Variants in SNX29 observed in about 807,000 individuals in gnomAD.
The protein encoded by SNX29 is sorting nexin-29.
A neutral mutation model predicts 102.1 loss-of-function variants in SNX29; 78 were observed. That is an observed-to-expected ratio of 0.76 (90% CI 0.64 to 0.92). The LOEUF is 0.92. Among genes scored for constraint, SNX29 ranks in the 40% least tolerant of loss-of-function variants. The probability of loss-of-function intolerance (pLI) is 0.00; values close to 1 mark genes in which losing one functional copy is unlikely to be tolerated. For synonymous variants in SNX29, 580 were observed against 414.5 expected, an observed-to-expected ratio of 1.40 and a Z score of -4.85; for missense variants, 1,280 against 1,061.7, an observed-to-expected ratio of 1.21 and a Z score of -2.86.
In SNX29 at chr16:12,161,200, C is replaced by A. The variant is rs567589879; in HGVS notation, c.1595+31442C>A. Among the ~76,000 whole-genome samples the A allele has an allele frequency of 1.1e-4, 17 of 152,346 alleles. No individual in the cohort carries two copies. The East Asian group carries it at 2.3e-3, about 21-fold the overall frequency. ...ATGGCCCTTGAAGCCATGTTGACCA[C>A]CTTTCTGACCTTTGGATAGACAGGG... On this transcript the variant is annotated intron_variant, in intron 13 of 20. Transcript: ENST00000566228.
intron 11 of SNX29, among the ~76,000 whole-genome samples, chr16:12,122,052 G>C: frequency 6.6e-6 from 1 of 152,228 alleles, no homozygotes; most frequent in East Asian, 1.9e-4. Flanking sequence ...CTGACCTGAA[G>C]TGATCTGCCT....
intron 19 of SNX29, among the ~76,000 whole-genome samples, chr16:12,506,300 G>A (rs955523591): frequency 2.6e-5 from 4 of 152,104 alleles, no homozygotes; most frequent in African/African-American, 9.7e-5. Flanking sequence ...TATCCAGGGG[G>A]ACAACACCCT....
intron 13 of SNX29, chr16:12,135,570 A>G (rs1207843285): frequency 7.5e-7 from 1 of 1,333,524 alleles, no homozygotes; most frequent in East Asian, 3.9e-5. Context: ...CTATTTTGTG[A>G]GGAGATTCTA....
intron 13 of SNX29, among the ~76,000 whole-genome samples, chr16:12,187,090 A>G (rs73521830): frequency 0.022 from 3,408 of 152,340 alleles, 127 homozygotes; most frequent in African/African-American, 0.077. Flanking sequence ...GAGTTGGAAG[A>G]TCTGGCCACA....
intron 16 of SNX29, among the ~76,000 whole-genome samples, chr16:12,380,725 C>T (rs867090060): frequency 7.7e-6 from 1 of 130,046 alleles, no homozygotes; most frequent in Non-Finnish European, 1.6e-5. Context: ...TCCATCCACC[C>T]GCCATCCATC....
chr16:12,315,026 G>A (rs1393983738), intron 15 of SNX29, among the ~76,000 whole-genome samples: 2 of 152,202 alleles, frequency 1.3e-5, no homozygotes, highest in African/African-American at 2.4e-5. Flanking sequence ...AGGCAATTCT[G>A]TTCCCTAATT....
intron 13 of SNX29, among the ~76,000 whole-genome samples, chr16:12,169,000 G>A (rs901190957): frequency 9.2e-5 from 14 of 152,318 alleles, no homozygotes; most frequent in Middle Eastern, 3.4e-3. Flanking sequence ...AGGGTTTTCC[G>A]TCACAGCTGA....
rs1048319440 is a variant in SNX29, at chr16:12,572,498, C to G, written c.*3869C>G. ...GACCAGTTCTTGGGGTTCCAGGCCT[C>G]GGCCTTCCTGCTCCACGTGCTCAAG... is the stretch of plus-strand genomic sequence containing the variant. On this transcript the variant is annotated 3_prime_UTR_variant, in exon 21 of 21. Transcript: ENST00000566228. The G allele has an allele frequency of 1.9e-6, 2 of 1,063,804 alleles. No homozygotes were observed. The highest frequency in any genetic ancestry group is 1.6e-5 in the African/African-American group (1 of 60,950). The allele number at this position is 1,063,804 out of a possible 1,614,324, so 65.9% of individuals were successfully genotyped here.
At chr16:12,257,881 C>T (rs2078621970) in intron 14 of SNX29, among the ~76,000 whole-genome samples, 1 of 152,124 alleles carries the variant, frequency 6.6e-6, no homozygotes, top group Non-Finnish European at 1.5e-5. Context: ...TGGGAGTCAT[C>T]CTGTGTTTTT....
Position 12,207,381 on chromosome 16 carries a change from A to G in SNX29, c.1678+7698A>G, listed in dbSNP as rs189140499. ...GAAACTTTGTCAAAAAATAAAATAA[A>G]ATAAAAAACAAAAACCAGGGAGGCT... is the stretch of plus-strand genomic sequence containing the variant. On this transcript the variant is annotated intron_variant, in intron 14 of 20. Coordinates refer to ENST00000566228, the MANE Select transcript of SNX29 (RefSeq NM_032167.5). Among the ~76,000 whole-genome samples the G allele has an allele frequency of 2.6e-5, 4 of 152,256 alleles. No individual in the cohort carries two copies. The East Asian group carries it at 7.7e-4, about 29-fold the overall frequency.
intron 18 of SNX29, among the ~76,000 whole-genome samples, chr16:12,404,458 C>T (rs1287551346): frequency 6.6e-6 from 1 of 152,124 alleles, no homozygotes; most frequent in Non-Finnish European, 1.5e-5. Context: ...TTGGTGTGCC[C>T]TTGTTCTGGG....
chr16:12,345,977 A>G (rs569498515), intron 15 of SNX29, among the ~76,000 whole-genome samples: 1 of 152,286 alleles, frequency 6.6e-6, no homozygotes, highest in African/African-American at 2.4e-5. Flanking sequence ...TTCAGCAGCC[A>G]CCAACCCAAG....
intron 5 of SNX29, among the ~76,000 whole-genome samples, chr16:12,044,232 A>G (rs1411745391): frequency 6.6e-6 from 1 of 152,206 alleles, no homozygotes. Context: ...GTTTGTGAGT[A>G]GTGTGGCATG....
intron 15 of SNX29, among the ~76,000 whole-genome samples, chr16:12,346,188 G>A (rs1244733641): frequency 6.6e-6 from 1 of 152,048 alleles, no homozygotes; most frequent in African/African-American, 2.4e-5. Flanking sequence ...TAGGTGGGAG[G>A]GGGCTTCTGA....
intron 13 of SNX29, among the ~76,000 whole-genome samples, chr16:12,149,106 A>G (rs948052544): frequency 2.0e-5 from 3 of 152,132 alleles, no homozygotes; most frequent in African/African-American, 7.2e-5. Context: ...ATAAATGAGC[A>G]TTTGTCAGTT....
chr16:12,217,637 C>G (rs1196490470), intron 14 of SNX29, among the ~76,000 whole-genome samples: 2 of 152,180 alleles, frequency 1.3e-5, no homozygotes, highest in African/African-American at 4.8e-5. Flanking sequence ...AGATGGCCAG[C>G]TGCTTTTAGT....
intron 19 of SNX29, among the ~76,000 whole-genome samples, chr16:12,514,427 C>T (rs576444338): frequency 6.6e-6 from 1 of 152,290 alleles, no homozygotes; most frequent in Admixed American, 6.5e-5. Flanking sequence ...CTCCCACTGT[C>T]GTAGAGCAGA....
intron 18 of SNX29, among the ~76,000 whole-genome samples, chr16:12,418,356 G>C (rs1249416277): frequency 6.8e-6 from 1 of 146,668 alleles, no homozygotes; most frequent in Non-Finnish European, 1.5e-5. Context: ...TCATGTTGAC[G>C]ATGAGGATTG....
At chr16:12,346,497 A>G (rs944192433) in intron 15 of SNX29, among the ~76,000 whole-genome samples, 2 of 152,168 alleles carry the variant, frequency 1.3e-5, no homozygotes, top group Admixed American at 6.5e-5. Flanking sequence ...CTAGGGAGTC[A>G]GGAATGGTGG....
Sources: gnomAD v4.1 joint callset for allele counts (sites outside exome capture counted in the v4.1 genomes callset) on GRCh38, gnomAD v4.1.1 for gene constraint, MANE v1.5 for transcripts, NCBI Gene and HGNC (gene_info 2026-07-23, HGNC 2026-07-21) for gene names.